The following ANKRD45 variants were observed in gnomAD, a reference collection of about 807,000 sequenced individuals.
ANKRD45 encodes the protein ankyrin repeat domain 45, also known as ankyrin repeat domain-containing protein 45.
ANKRD45 carries 21 observed loss-of-function variants against 28.1 expected under a neutral mutation model. The observed-to-expected ratio is 0.75, with a 90% CI of 0.53 to 1.08. The LOEUF is 1.08. Among genes scored for constraint, ANKRD45 ranks in the 50% least tolerant of loss-of-function variants. The probability of loss-of-function intolerance (pLI) is 0.00; values close to 1 mark genes in which losing one functional copy is unlikely to be tolerated. For missense variants in ANKRD45, 261 were observed against 308.7 expected (o/e 0.85, Z 1.16); for synonymous variants, 86 against 103.9 (o/e 0.83, Z 1.05).
At position 173,623,631 on chromosome 1, in the gene ANKRD45, A is replaced by G. The variant is rs188101482; in HGVS notation, c.730+1156T>C. On this transcript the variant is annotated intron_variant, in intron 5 of 5. Coordinates refer to ENST00000333279, the MANE Select transcript of ANKRD45 (RefSeq NM_198493.3). ...TGGGTATATACCCAAGGGAATATAAATCATTCTATTATAAAGATATATGCA... is the reference window on the plus strand; with the variant it reads ...TGGGTATATACCCAAGGGAATATAAGTCATTCTATTATAAAGATATATGCA... 1.6e-4 allele frequency among the ~76,000 whole-genome samples: 24 copies of G among 152,300 alleles called. 2 individuals are homozygous for G. The highest frequency in any genetic ancestry group is 5.5e-4 in the African/African-American group (23 of 41,570).
At chr1:173,647,812 G>A (rs1440111311) in intron 2 of ANKRD45, among the ~76,000 whole-genome samples, 1 of 151,930 alleles carries the variant, frequency 6.6e-6, no homozygotes, top group Non-Finnish European at 1.5e-5. Context: ...TTTCAGACAG[G>A]TCTCACTCTG....
chr1:173,617,377 C>T (rs1277091176), intron 5 of ANKRD45, among the ~76,000 whole-genome samples: 1 of 152,170 alleles, frequency 6.6e-6, no homozygotes, highest in African/African-American at 2.4e-5. Flanking sequence ...TGGATGAGTT[C>T]CCAGAGGGTA....
chr1:173,609,068 T>A lies in ANKRD45; in HGVS notation c.*1077A>T, dbSNP rs1251670919. 6.6e-6 allele frequency among the ~76,000 whole-genome samples: 1 copy of A among 151,618 alleles called. No individual in the cohort carries two copies. The highest frequency in any genetic ancestry group is 2.4e-5 in the African/African-American group (1 of 41,320). On this transcript the variant is annotated 3_prime_UTR_variant, in exon 6 of 6. Transcript: ENST00000333279. The stretch of plus-strand genomic sequence containing the variant: ...TACTGCTCCATAAACACCCACTGGG[T>A]CGGCCAAAAAGGTGGCTGAAAGTTA...
At chr1:173,654,618 A>T (rs898178154) in intron 2 of ANKRD45, among the ~76,000 whole-genome samples, 3 of 152,032 alleles carry the variant, frequency 2.0e-5, no homozygotes, top group African/African-American at 4.8e-5. Context: ...GTGTTCTCTG[A>T]ATTTCCTAAA....
At chr1:173,631,362 A>G (rs1227052254) in intron 3 of ANKRD45, among the ~76,000 whole-genome samples, 3 of 152,144 alleles carry the variant, frequency 2.0e-5, no homozygotes, top group African/African-American at 7.2e-5. Flanking sequence ...CTAGACCCCA[A>G]TACAATAATA....
intron 1 of ANKRD45, chr1:173,669,594 G>C (rs1294443918): frequency 4.7e-6 from 2 of 428,528 alleles, no homozygotes; most frequent in South Asian, 1.7e-5. Flanking sequence ...TTTGCTCTTC[G>C]GCCTGAATTC....
At position 173,659,264 on chromosome 1, in the gene ANKRD45, T is replaced by A. The variant is rs1215907193; in HGVS notation, c.155A>T (p.Gln52Leu). 6.2e-7 allele frequency: 1 copy of A among 1,614,094 alleles called. No homozygotes were observed. Among genetic ancestry groups the A allele is most frequent in the East Asian group, 2.2e-5 (1 of 44,874 alleles). Residue 52 changes from glutamine (Q) to leucine (L), a missense_variant, in exon 2 of 6, where the codon CAG becomes CTG. Gln to Leu is a moderately radical substitution (Grantham distance 113). Transcript: ENST00000333279. ...PALTGDVEGL[Q>L]KIFEDPENPH... ...ATTCTCAGGATCCTCAAATATCTTCTGCAAACCCTCTACATCCCCTGTGAG... is the reference window on the plus strand; with the variant it reads ...ATTCTCAGGATCCTCAAATATCTTCAGCAAACCCTCTACATCCCCTGTGAG...
chr1:173,654,042 G>A (rs150737548), intron 2 of ANKRD45, among the ~76,000 whole-genome samples: 2 of 151,476 alleles, frequency 1.3e-5, no homozygotes, highest in African/African-American at 4.9e-5. Flanking sequence ...ACACTGATGG[G>A]TCTTGACTCT....
At chr1:173,674,816 G>T (rs898823278), upstream of ANKRD45, among the ~76,000 whole-genome samples, 5 of 152,190 alleles carry the variant, frequency 3.3e-5, no homozygotes, top group African/African-American at 1.2e-4. Context: ...CTTTAGCTTA[G>T]TGATTTTAGG....
chr1:173,705,141 G>A, the ANKRD45 span, among the ~76,000 whole-genome samples: 3 of 152,134 alleles, frequency 2.0e-5, no homozygotes, highest in Non-Finnish European at 2.9e-5. Flanking sequence ...AGCACTTCTA[G>A]CATCCGGTGG....
In ANKRD45 at chr1:173,663,042, C is replaced by T. The variant is rs144413880; in HGVS notation, c.-15-3609G>A. 7.2e-4 allele frequency among the ~76,000 whole-genome samples: 103 copies of T among 143,378 alleles called. 1 individual carries two copies. In the East Asian group the frequency reaches 0.017, roughly 23 times the overall value. 94.1% of individuals were successfully genotyped at this position (143,378 alleles called of 152,430 possible). ...ATTCTTCAGTGTCTGACATCCAACT[C>T]CCCACCCTTCCAACACACACACACA... On this transcript the variant is annotated intron_variant, in intron 1 of 5. Coordinates refer to ENST00000333279, the MANE Select transcript of ANKRD45 (RefSeq NM_198493.3).
rs184625466 is a variant in ANKRD45 at position 173,614,305 on chromosome 1, A to C, written c.731-4090T>G. On this transcript the variant is annotated intron_variant, in intron 5 of 5. Transcript: ENST00000333279. ...AAATAAAATAAAATAAAATAAAGAAAGAGCTGAACCTGTTTGTCCCTGGGA... is the reference window on the plus strand; with the variant it reads ...AAATAAAATAAAATAAAATAAAGAACGAGCTGAACCTGTTTGTCCCTGGGA... Among the ~76,000 whole-genome samples, 4 of 152,142 alleles carry C rather than the reference A, an allele frequency of 2.6e-5. 1 individual carries two copies. The East Asian group carries it at 7.7e-4, about 29-fold the overall frequency.
chr1:173,636,957 C>T, intron 3 of ANKRD45: 3 of 1,535,698 alleles, frequency 2.0e-6, no homozygotes, highest in South Asian at 2.4e-5. Context: ...GAGCACAGGT[C>T]TCACCATCCT....
At chr1:173,650,471 T>C (rs1369144420) in intron 2 of ANKRD45, among the ~76,000 whole-genome samples, 1 of 152,244 alleles carries the variant, frequency 6.6e-6, no homozygotes, top group Admixed American at 6.5e-5. Flanking sequence ...GTGGTATATA[T>C]GTGCCACATT....
upstream of ANKRD45, among the ~76,000 whole-genome samples, chr1:173,673,677 A>C (rs1241712324): frequency 2.0e-5 from 3 of 151,370 alleles, no homozygotes; most frequent in Non-Finnish European, 4.4e-5. Context: ...CACCTACCTA[A>C]GACCACACAG....
At chr1:173,630,553 A>G (rs1167346931) in intron 3 of ANKRD45, among the ~76,000 whole-genome samples, 1 of 152,110 alleles carries the variant, frequency 6.6e-6, no homozygotes, top group Non-Finnish European at 1.5e-5. Context: ...CTCAAATCAA[A>G]AAACATACAA....
chr1:173,703,912 G>A, the ANKRD45 span, among the ~76,000 whole-genome samples: 1 of 152,246 alleles, frequency 6.6e-6, no homozygotes, highest in Non-Finnish European at 1.5e-5. Flanking sequence ...CTAGCCTCCA[G>A]AACTGCAAGA....
At chr1:173,688,411 C>CCT in the ANKRD45 span, among the ~76,000 whole-genome samples, 107 of 104,022 alleles carry the variant, frequency 1.0e-3, 5 homozygotes, top group African/African-American at 5.0e-3. Context: ...TCTGCCTCTT[C>CCT]CTCTCTCTCT....
chr1:173,688,982 A>G, the ANKRD45 span, among the ~76,000 whole-genome samples: 1 of 152,154 alleles, frequency 6.6e-6, no homozygotes. Context: ...CAGAGGAGCA[A>G]GCAGCGCCTG....
Sources: gnomAD v4.1 joint callset for allele counts (sites outside exome capture counted in the v4.1 genomes callset) on GRCh38, gnomAD v4.1.1 for gene constraint, MANE v1.5 for transcripts, NCBI Gene and HGNC (gene_info 2026-07-23, HGNC 2026-07-21) for gene names.